The following PARD3B variants were observed in gnomAD, a reference collection of about 807,000 sequenced individuals.
The protein encoded by PARD3B is par-3 family cell polarity regulator beta, also known as partitioning defective 3 homolog B.
A neutral mutation model predicts 130.2 loss-of-function variants in PARD3B; 103 were observed. That is an observed-to-expected ratio of 0.79 (90% CI 0.67 to 0.93). The LOEUF (loss-of-function observed/expected upper bound fraction) is 0.93, where lower values mean the gene tolerates loss of function less well. PARD3B is among the 40% of genes least tolerant of loss of function. PARD3B has a pLI of 0.00. For missense variants in PARD3B, 1,609 were observed against 1,499.2 expected (o/e 1.07, Z -1.21); for synonymous variants, 583 against 553.2 (o/e 1.05, Z -0.76).
chr2:205,583,666 G>A (rs529504044), intron 22 of PARD3B, among the ~76,000 whole-genome samples: 2 of 152,224 alleles, frequency 1.3e-5, no homozygotes, highest in East Asian at 3.9e-4. Flanking sequence ...TAATCCAATA[G>A]TCCCAAATGC....
intron 2 of PARD3B, among the ~76,000 whole-genome samples, chr2:204,762,436 A>G (rs912496335): frequency 6.6e-6 from 1 of 152,026 alleles, no homozygotes; most frequent in Non-Finnish European, 1.5e-5. Flanking sequence ...AATGGCAAAG[A>G]TTTTCTAAAG....
rs2054370815 is a variant in PARD3B at position 205,591,118 on chromosome 2, A to AT, written c.3261-24335dup. Among the ~76,000 whole-genome samples the AT allele has an allele frequency of 6.6e-6, 1 of 152,088 alleles. No individual in the cohort carries two copies. The highest frequency in any genetic ancestry group is 1.5e-5 in the Non-Finnish European group (1 of 68,008). On this transcript the variant is annotated intron_variant, in intron 22 of 22. Coordinates refer to ENST00000406610, the MANE Select transcript of PARD3B (RefSeq NM_001302769.2). The surrounding 1 kb of genome is among the most constrained non-coding windows in gnomAD (Gnocchi z 4.2). ...TAATCCCAAGTCTAAGTCATCCAGC[A>AT]TTTCTCAGAGAGGTGACATCAATGT...
rs139828764 is a variant in PARD3B at position 205,374,446 on chromosome 2, G to A, written c.2631-26567G>A. On this transcript the variant is annotated intron_variant, in intron 18 of 22. Transcript: ENST00000406610. ...GAAACGGTTTCGCCATGTTGGCCAG[G>A]CTGGTCTTGAACCCCTGACCTCATG... is the stretch of plus-strand genomic sequence containing the variant. Among the ~76,000 whole-genome samples the A allele has an allele frequency of 1.9e-3, 283 of 152,182 alleles. 1 individual carries two copies. Among genetic ancestry groups the A allele is most frequent in the African/African-American group, 6.5e-3 (270 of 41,530 alleles).
At chr2:205,396,282 T>C (rs1215042225) in intron 18 of PARD3B, among the ~76,000 whole-genome samples, 2 of 152,186 alleles carry the variant, frequency 1.3e-5, no homozygotes, top group East Asian at 3.8e-4. Flanking sequence ...TATATACTTG[T>C]TTGGTAACTG....
At chr2:204,918,047 C>G (rs961441754) in intron 2 of PARD3B, among the ~76,000 whole-genome samples, 3 of 152,070 alleles carry the variant, frequency 2.0e-5, no homozygotes, top group Non-Finnish European at 4.4e-5. Flanking sequence ...ACTTTGTAGC[C>G]TGATATATTC....
intron 4 of PARD3B, among the ~76,000 whole-genome samples, chr2:205,080,306 A>G (rs944250924): frequency 6.6e-6 from 1 of 152,054 alleles, no homozygotes; most frequent in African/African-American, 2.4e-5. Flanking sequence ...GTTACCTCCT[A>G]TCTCCCTTTC....
At chr2:204,790,923 G>A (rs1330600679) in intron 2 of PARD3B, among the ~76,000 whole-genome samples, 1 of 152,004 alleles carries the variant, frequency 6.6e-6, no homozygotes, top group Non-Finnish European at 1.5e-5. Flanking sequence ...GGGCCAACAT[G>A]GTGAAACCCT....
At chr2:204,737,790 G>A (rs963185908) in intron 2 of PARD3B, among the ~76,000 whole-genome samples, 4 of 152,186 alleles carry the variant, frequency 2.6e-5, no homozygotes, top group Middle Eastern at 3.4e-3. Context: ...TCTTTTATAT[G>A]TGGTTTGCCG....
intron 2 of PARD3B, among the ~76,000 whole-genome samples, chr2:204,838,268 C>T (rs957809688): frequency 4.6e-5 from 7 of 151,910 alleles, no homozygotes; most frequent in Admixed American, 4.6e-4. Flanking sequence ...CTGCAACCTC[C>T]ACCTCCTGGG....
intron 20 of PARD3B, among the ~76,000 whole-genome samples, chr2:205,478,995 C>T (rs758114789): frequency 6.6e-6 from 1 of 152,012 alleles, no homozygotes; most frequent in Non-Finnish European, 1.5e-5. Context: ...AAACAGGAGG[C>T]CATAAGAACA....
At chr2:205,453,598 C>A (rs191567045) in intron 20 of PARD3B, among the ~76,000 whole-genome samples, 1 of 152,042 alleles carries the variant, frequency 6.6e-6, no homozygotes, top group Non-Finnish European at 1.5e-5. Context: ...GATAATAAGT[C>A]GGCAGAGCTA....
chr2:204,611,142 G>T (rs1366298256), intron 1 of PARD3B, among the ~76,000 whole-genome samples: 2 of 152,146 alleles, frequency 1.3e-5, no homozygotes, highest in Non-Finnish European at 2.9e-5. Flanking sequence ...CCTGTTAGGG[G>T]AGTGGTTAGC....
intron 1 of PARD3B, among the ~76,000 whole-genome samples, chr2:204,632,885 C>G (rs1378967264): frequency 6.6e-6 from 1 of 152,180 alleles, no homozygotes; most frequent in Admixed American, 6.5e-5. Flanking sequence ...AGTATTCACT[C>G]GCACCTTTTG....
intron 2 of PARD3B, among the ~76,000 whole-genome samples, chr2:204,838,104 A>G (rs1451723149): frequency 1.3e-5 from 2 of 152,184 alleles, no homozygotes; most frequent in Non-Finnish European, 1.5e-5. Flanking sequence ...AACCAGTAAG[A>G]TTCTAAAAAC....
intron 18 of PARD3B, among the ~76,000 whole-genome samples, chr2:205,317,030 G>A (rs534228876): frequency 1.3e-5 from 2 of 152,170 alleles, no homozygotes; most frequent in South Asian, 2.1e-4. Context: ...AAAATCTAGT[G>A]CCCACAACCT....
At chr2:205,247,703 A>AAAT (rs1485373254) in intron 16 of PARD3B, among the ~76,000 whole-genome samples, 4 of 152,226 alleles carry the variant, frequency 2.6e-5, no homozygotes, top group Non-Finnish European at 5.9e-5. Context: ...AAATGCTGAA[A>AAAT]AATAACCAGC....
At chr2:205,186,894 G>A (rs901044786) in intron 14 of PARD3B, among the ~76,000 whole-genome samples, 2 of 152,046 alleles carry the variant, frequency 1.3e-5, no homozygotes, top group African/African-American at 4.8e-5. Flanking sequence ...CAATTTGGTG[G>A]CATAAAAAAA....
chr2:205,540,308 T>G (rs949500298), intron 21 of PARD3B, among the ~76,000 whole-genome samples: 1 of 152,184 alleles, frequency 6.6e-6, no homozygotes, highest in Non-Finnish European at 1.5e-5. Context: ...TCCTGGAAGC[T>G]GCAGCTTAAA....
At position 204,887,983 on chromosome 2, in the gene PARD3B, A is replaced by G. The variant is rs2046320041; in HGVS notation, c.223-77169A>G. On this transcript the variant is annotated intron_variant, in intron 2 of 22. Transcript: ENST00000406610. The surrounding 1 kb of genome is among the most constrained non-coding windows in gnomAD (Gnocchi z 4.2). ...AGAACTGTTAAGACCCCAGCATTCC[A>G]ACTGGGAGGGATCATTGGTGAAGTG... 6.6e-6 allele frequency among the ~76,000 whole-genome samples: 1 copy of G among 152,126 alleles called. No individual in the cohort carries two copies. Among genetic ancestry groups the G allele is most frequent in the Non-Finnish European group, 1.5e-5 (1 of 68,020 alleles).
Sources: gnomAD v4.1 joint callset for allele counts (sites outside exome capture counted in the v4.1 genomes callset) on GRCh38, gnomAD v4.1.1 for gene constraint, Gnocchi (gnomAD v3.1) non-coding constraint, MANE v1.5 for transcripts, NCBI Gene and HGNC (gene_info 2026-07-23, HGNC 2026-07-21) for gene names.